The following TMPO variants were observed in gnomAD, a reference collection of about 807,000 sequenced individuals.
TMPO encodes the protein LEM domain containing 4.
TMPO carries 22 observed loss-of-function variants against 45.4 expected under a neutral mutation model. That is an observed-to-expected ratio of 0.48 (90% CI 0.35 to 0.69). The LOEUF (loss-of-function observed/expected upper bound fraction) is 0.69. Ranked by LOEUF, TMPO falls within the 30% of genes least tolerant of loss-of-function variation. TMPO has a pLI of 0.01. For missense variants in TMPO, 512 were observed against 548.8 expected (o/e 0.93, Z 0.67); for synonymous variants, 241 against 204.1 (o/e 1.18, Z -1.54).
chr12:98,529,427 A>T (rs959589619), intron 2 of TMPO, among the ~76,000 whole-genome samples: 5 of 152,258 alleles, frequency 3.3e-5, no homozygotes, highest in African/African-American at 1.2e-4. Flanking sequence ...TTATACCCTT[A>T]AAAAACAAAA....
In TMPO at chr12:98,539,760, T is replaced by C. The variant is rs1230834190; in HGVS notation, c.663+2188T>C. On this transcript the variant is annotated intron_variant, in intron 4 of 8. Coordinates refer to ENST00000556029, the MANE Select transcript of TMPO (RefSeq NM_001032283.3). ...GATTGCTGGGATTACAGGCATGAGC[T>C]ACCGCACCTGGCAATAAATTGCTTT... Among the ~76,000 whole-genome samples, 3 of 152,174 alleles carry C rather than the reference T, an allele frequency of 2.0e-5. No homozygotes were observed. In the East Asian group the frequency reaches 5.8e-4, roughly 29 times the overall value.
At chr12:98,534,632 A>C in intron 3 of TMPO, 1 of 1,195,084 alleles carries the variant, frequency 8.4e-7, no homozygotes, top group Non-Finnish European at 1.0e-6. Flanking sequence ...ACAATTCTCC[A>C]AAACTAAGAA....
At chr12:98,516,421 C>G in intron 1 of TMPO, 26 of 1,174,030 alleles carry the variant, frequency 2.2e-5, no homozygotes, top group Non-Finnish European at 2.7e-5. Flanking sequence ...CAGTCGACGC[C>G]GCTTCCCTGG....
At position 98,535,078 on chromosome 12, in the gene TMPO, A is replaced by G. The variant is rs2121215436; in HGVS notation, c.566-2397A>G. 4 of 918,680 alleles carry G rather than the reference A, an allele frequency of 4.4e-6. No individual in the cohort carries two copies. In the South Asian group the frequency reaches 1.5e-4, roughly 34 times the overall value. The allele number at this position is 918,680 out of a possible 1,614,324, so 56.9% of individuals were successfully genotyped here. On this transcript the variant is annotated intron_variant, in intron 3 of 8. Coordinates refer to ENST00000556029, the MANE Select transcript of TMPO (RefSeq NM_001032283.3). ...TTTATCTCTTCATTGACTGGTAGCA[A>G]CCAATTCATGGACCAGTACCATGGA...
chr12:98,518,299 G>T (rs925749156), intron 1 of TMPO, among the ~76,000 whole-genome samples: 1 of 151,872 alleles, frequency 6.6e-6, no homozygotes, highest in Non-Finnish European at 1.5e-5. Context: ...AGAATTACTG[G>T]TTATTATTTT....
At chr12:98,545,137 T>TTTTG in intron 7 of TMPO, 76 bp downstream of exon 7, 1 of 1,204,518 alleles carries the variant, frequency 8.3e-7, no homozygotes, top group Non-Finnish European at 1.2e-6. Flanking sequence ...TTGTTTTTTT[T>TTTTG]TTTTTTTTTT....
chr12:98,523,359 G>A (rs1876520046), intron 1 of TMPO, among the ~76,000 whole-genome samples: 1 of 152,082 alleles, frequency 6.6e-6, no homozygotes, highest in Non-Finnish European at 1.5e-5. Flanking sequence ...TTCGAGACCA[G>A]CCTGGCCAAC....
Position 98,537,527 on chromosome 12 carries a change from A to G in TMPO, c.618A>G (p.Ala206=). The G allele has an allele frequency of 1.9e-6, 3 of 1,613,748 alleles. No individual in the cohort carries two copies. Among genetic ancestry groups the G allele is most frequent in the Non-Finnish European group, 2.5e-6 (3 of 1,179,796 alleles). ...LEKREPLKGR[A]KTPVTLKQRR... is the part of the protein sequence containing the mutation. ...AGAGAGAACCACTAAAGGGCAGAGC[A>G]AAGACTCCAGTAACACTCAAGCAAA... is the stretch of plus-strand genomic sequence containing the variant. Residue 206 remains alanine, a synonymous_variant, in exon 4 of 9, where the codon GCA becomes GCG. Transcript: ENST00000556029.
chr12:98,524,776 A>T (rs7973270), intron 1 of TMPO, among the ~76,000 whole-genome samples: 82,658 of 151,706 alleles, frequency 0.54, 22,714 homozygotes, highest in South Asian at 0.57. Flanking sequence ...GCATTTTTAA[A>T]AGAGACGGGG....
At chr12:98,547,262 A>G (rs1175968653) in intron 8 of TMPO, among the ~76,000 whole-genome samples, 4 of 152,026 alleles carry the variant, frequency 2.6e-5, no homozygotes, top group Non-Finnish European at 4.4e-5. Context: ...TTTTGTAGAG[A>G]CAGAGTTTCA....
chr12:98,522,380 T>C (rs1214107812), intron 1 of TMPO, among the ~76,000 whole-genome samples: 1 of 152,106 alleles, frequency 6.6e-6, no homozygotes, highest in Non-Finnish European at 1.5e-5. Flanking sequence ...ATGCTACCAA[T>C]AGGAAATGTT....
At chr12:98,540,082 G>A (rs1339838902) in intron 4 of TMPO, among the ~76,000 whole-genome samples, 1 of 152,204 alleles carries the variant, frequency 6.6e-6, no homozygotes, top group East Asian at 1.9e-4. Context: ...GTCTGTAGCT[G>A]TTACCACTGT....
At position 98,544,547 on chromosome 12, in the gene TMPO, T is replaced by C; in HGVS notation, c.879+10T>C. ...AAGCAACGAATCCTTAGTAAATATGTTTCATAAACTATACAAGTGGTATTC... is the reference window on the plus strand; with the variant it reads ...AAGCAACGAATCCTTAGTAAATATGCTTCATAAACTATACAAGTGGTATTC... On this transcript the variant is annotated intron_variant, in intron 6 of 8. Transcript: ENST00000556029. 4 of 1,594,292 alleles carry C rather than the reference T, an allele frequency of 2.5e-6. No homozygotes were observed. The highest frequency in any genetic ancestry group is 3.4e-6 in the Non-Finnish European group (4 of 1,162,318).
chr12:98,516,189 G>A (rs754022870), intron 1 of TMPO, 43 bp downstream of exon 1: 8 of 1,322,054 alleles, frequency 6.1e-6, no homozygotes, highest in African/African-American at 4.6e-5. Flanking sequence ...GCGTTTGGCG[G>A]TTGCCGCGCG....
chr12:98,549,264 A>C lies in TMPO; in HGVS notation c.*1406A>C, dbSNP rs1371125751. On this transcript the variant is annotated 3_prime_UTR_variant, in exon 9 of 9. Coordinates refer to ENST00000556029, the MANE Select transcript of TMPO (RefSeq NM_001032283.3). ...TATGAGATGGAGTCTCACTCTTGTC[A>C]CCCAGACTGTAGTGCAGTGGCACGA... 6.6e-6 allele frequency: 1 copy of C among 152,124 alleles called. No homozygotes were observed. The highest frequency in any genetic ancestry group is 1.5e-5 in the Non-Finnish European group (1 of 68,060). 9.4% of individuals were successfully genotyped at this position (152,124 alleles called of 1,614,324 possible). A position where few individuals can be genotyped will look rare whatever the true frequency, so the allele number is the denominator to read the frequency against.
In TMPO at chr12:98,522,562, G is replaced by A. The variant is rs538050538; in HGVS notation, c.280-5324G>A. 1.9e-4 allele frequency among the ~76,000 whole-genome samples: 29 copies of A among 152,292 alleles called. No homozygotes were observed. In the South Asian group the frequency reaches 5.8e-3, roughly 30 times the overall value. On this transcript the variant is annotated intron_variant, in intron 1 of 8. Transcript: ENST00000556029. ...CCTGAAATAGAGGAATAACCTAATAGCTACTTAATCAGATTGAGGAGTACA... is the reference window on the plus strand; with the variant it reads ...CCTGAAATAGAGGAATAACCTAATAACTACTTAATCAGATTGAGGAGTACA...
chr12:98,537,033 A>T (rs754092583), intron 3 of TMPO, among the ~76,000 whole-genome samples: 1 of 152,148 alleles, frequency 6.6e-6, no homozygotes, highest in East Asian at 1.9e-4. Flanking sequence ...TTTCCCTTCT[A>T]TGTTCCAAAT....
At chr12:98,530,777 G>A (rs139630278) in intron 2 of TMPO, among the ~76,000 whole-genome samples, 14 of 152,242 alleles carry the variant, frequency 9.2e-5, no homozygotes, top group Non-Finnish European at 1.6e-4. Flanking sequence ...GGTACAATCC[G>A]CTTACATGTG....
rs76528613 is a variant in TMPO, at chr12:98,521,597, A to G, written c.279+5451A>G. On this transcript the variant is annotated intron_variant, in intron 1 of 8. Coordinates refer to ENST00000556029, the MANE Select transcript of TMPO (RefSeq NM_001032283.3). ...ACCAATATTTTTAGGTGTTGAAACT[A>G]CCTAGATTGTGGACACAAAAATAAA... Among the ~76,000 whole-genome samples the G allele has an allele frequency of 3.0e-3, 456 of 152,296 alleles. 2 individuals carry two copies. The highest frequency in any genetic ancestry group is 5.8e-3 in the Non-Finnish European group (394 of 68,034).
Sources: allele counts gnomAD v4.1 joint callset (sites outside exome capture counted in the v4.1 genomes callset), GRCh38; gene constraint gnomAD v4.1.1; transcripts MANE v1.5; gene names NCBI Gene and HGNC (gene_info 2026-07-23, HGNC 2026-07-21).